Variants in DNMT3A observed in about 807,000 individuals in gnomAD.
DNMT3A encodes DNA methyltransferase 3 alpha.
A neutral mutation model predicts 117.6 loss-of-function variants in DNMT3A; 267 were observed. The ratio of observed to expected loss-of-function variants is 2.27; its 90% CI spans 2.05 to 2.51. The LOEUF is 2.51. Ranked by LOEUF, DNMT3A falls within the 30% of genes most tolerant of loss-of-function variation. The pLI is 0.00. For synonymous variants in DNMT3A, 432 were observed against 474.8 expected (o/e 0.91, Z 1.17); for missense variants, 1,029 against 1,260.2 (o/e 0.82, Z 2.78).
intron 1 of DNMT3A, among the ~76,000 whole-genome samples, chr2:25,320,763 T>C (rs116101378): frequency 6.6e-6 from 1 of 152,352 alleles, no homozygotes; most frequent in African/African-American, 2.4e-5. Flanking sequence ...TATGTGTGTG[T>C]ACATATATAT....
At chr2:25,242,848 G>A (rs970392775) in intron 16 of DNMT3A, among the ~76,000 whole-genome samples, 4 of 152,098 alleles carry the variant, frequency 2.6e-5, no homozygotes, top group Admixed American at 2.6e-4. Flanking sequence ...TCTCCTAAAG[G>A]TTTTCCTAAG....
At position 25,286,768 on chromosome 2, in the gene DNMT3A, C is replaced by T. The variant is rs1178657131; in HGVS notation, c.178-4057G>A. Among the ~76,000 whole-genome samples, 2 of 152,208 alleles carry T rather than the reference C, an allele frequency of 1.3e-5. No homozygotes were observed. Among genetic ancestry groups the T allele is most frequent in the African/African-American group, 4.8e-5 (2 of 41,450 alleles). On this transcript the variant is annotated intron_variant, in intron 3 of 22. Coordinates refer to ENST00000321117, the MANE Select transcript of DNMT3A (RefSeq NM_022552.5). This position sits in a 1 kb window ranked among gnomAD's most constrained non-coding sequence, Gnocchi z 4.3. Reference sequence around the variant, plus strand: ...CTGGGTGCTCACTGAAGGAGCCATCCCTGGTGAGAAGGGCAGAAACCTCAG... The same window carrying T: ...CTGGGTGCTCACTGAAGGAGCCATCTCTGGTGAGAAGGGCAGAAACCTCAG...
At chr2:25,264,665 T>C (rs1395689572) in intron 6 of DNMT3A, among the ~76,000 whole-genome samples, 2 of 151,978 alleles carry the variant, frequency 1.3e-5, no homozygotes, top group African/African-American at 4.8e-5. Context: ...GGTTTCACCA[T>C]GTTAGCCAGG....
chr2:25,300,713 AT>A (rs1558722686), intron 2 of DNMT3A, among the ~76,000 whole-genome samples: 3 of 4,496 alleles, frequency 6.7e-4, no homozygotes, highest in Non-Finnish European at 1.4e-3. Context: ...AAATAATATA[AT>A]ATATATATAT....
At chr2:25,262,364 G>C (rs1021468739) in intron 6 of DNMT3A, among the ~76,000 whole-genome samples, 2 of 151,890 alleles carry the variant, frequency 1.3e-5, no homozygotes, top group Non-Finnish European at 2.9e-5. Flanking sequence ...AACCAATAAA[G>C]GAAAAAAATG....
chr2:25,319,265 T>G (rs188204240), intron 1 of DNMT3A, among the ~76,000 whole-genome samples: 1 of 151,670 alleles, frequency 6.6e-6, no homozygotes, highest in Non-Finnish European at 1.5e-5. Flanking sequence ...CCGCCCGCCT[T>G]AGCCTCCCAA....
chr2:25,318,991 G>C lies in DNMT3A; in HGVS notation c.-177-4830C>G, dbSNP rs908252943. On this transcript the variant is annotated intron_variant, in intron 1 of 22. Coordinates refer to ENST00000321117, the MANE Select transcript of DNMT3A (RefSeq NM_022552.5). ...TAGGATTACAGGTGTGAGCCACCAC[G>C]CCTGGCCCTTTTCTTTTCTTTCTTT... 2.0e-5 allele frequency among the ~76,000 whole-genome samples: 3 copies of C among 147,424 alleles called. No individual in the cohort carries two copies. The Admixed American group carries it at 2.0e-4, about 10-fold the overall frequency.
rs1324347218 is a variant in DNMT3A, at chr2:25,239,216, C to T, written c.2323-1G>A. 6 of 1,613,588 alleles carry T rather than the reference C, an allele frequency of 3.7e-6. No individual in the cohort carries two copies. The highest frequency in any genetic ancestry group is 1.7e-5 in the Admixed American group (1 of 59,956). On this transcript the variant is annotated splice_acceptor_variant, in intron 19 of 22. Coordinates refer to ENST00000321117, the MANE Select transcript of DNMT3A (RefSeq NM_022552.5). LOFTEE classifies it high-confidence loss of function. ...TGGCATCAATCATCACAGGGTTGGA[C>T]TACAAAACAGGAGACGGTTTGAAGA...
chr2:25,289,415 T>C (rs1249211293), intron 3 of DNMT3A, among the ~76,000 whole-genome samples: 1 of 152,190 alleles, frequency 6.6e-6, no homozygotes, highest in Non-Finnish European at 1.5e-5. Context: ...TATTTAACTT[T>C]GTAGGCCTCT....
At position 25,252,742 on chromosome 2, in the gene DNMT3A, G is replaced by A. The variant is rs1341239323; in HGVS notation, c.640-4490C>T. On this transcript the variant is annotated intron_variant, in intron 6 of 22. Coordinates refer to ENST00000321117, the MANE Select transcript of DNMT3A (RefSeq NM_022552.5). The surrounding 1 kb of genome is among the most constrained non-coding windows in gnomAD (Gnocchi z 5.5). ...CCTGGGAGAGCCGGGAGAAAGTTGT[G>A]AAAAGTGAGTTTCTCTGAAGCACAA... Among the ~76,000 whole-genome samples the A allele has an allele frequency of 6.6e-6, 1 of 151,630 alleles. No homozygotes were observed. Among genetic ancestry groups the A allele is most frequent in the Non-Finnish European group, 1.5e-5 (1 of 67,876 alleles).
intron 1 of DNMT3A, among the ~76,000 whole-genome samples, chr2:25,319,069 C>A (rs1394072037): frequency 1.4e-5 from 2 of 145,746 alleles, no homozygotes; most frequent in Non-Finnish European, 3.0e-5. Context: ...GGCTGGAGTA[C>A]AGTGGTGGGA....
chr2:25,284,905 C>T lies in DNMT3A; in HGVS notation c.178-2194G>A, dbSNP rs1045921546. Among the ~76,000 whole-genome samples, 6 of 152,124 alleles carry T rather than the reference C, an allele frequency of 3.9e-5. No homozygotes were observed. In the South Asian group the frequency reaches 6.2e-4, roughly 16 times the overall value. ...TTTTCCAAAAGGGTATCATACTAGT[C>T]GTAATGTTCTGCAACTTGCTTTTTC... On this transcript the variant is annotated intron_variant, in intron 3 of 22. Transcript: ENST00000321117.
In DNMT3A at chr2:25,246,672, C is replaced by T. The variant is rs1235571275; in HGVS notation, c.1227G>A (p.Trp409Ter). ...VEVQNKPMIE[W>*]ALGGFQPSGP... is the part of the protein sequence containing the mutation. ...CAGAAGGCTGGAAGCCCCCCAGGGC[C>T]CATTCAATCATGGGCTTGTTCTGCA... The change falls in exon 10 of 23, where the codon TGG (tryptophan) becomes TGA (stop). Residue 409 changes from tryptophan (W) to a stop codon, truncating the protein, a stop_gained. Coordinates refer to ENST00000321117, the MANE Select transcript of DNMT3A (RefSeq NM_022552.5). LOFTEE classifies it high-confidence loss of function. 4 of 1,613,652 alleles carry T rather than the reference C, an allele frequency of 2.5e-6. No individual in the cohort carries two copies. The highest frequency in any genetic ancestry group is 3.4e-6 in the Non-Finnish European group (4 of 1,179,976).
intron 3 of DNMT3A, among the ~76,000 whole-genome samples, chr2:25,284,638 C>G (rs936809454): frequency 5.6e-5 from 3 of 53,560 alleles, no homozygotes; most frequent in African/African-American, 2.2e-4. Flanking sequence ...CAGAGTGAGA[C>G]TCCATCTAAA....
intron 2 of DNMT3A, among the ~76,000 whole-genome samples, chr2:25,313,499 C>T (rs1161868911): frequency 2.0e-5 from 3 of 152,148 alleles, no homozygotes; most frequent in African/African-American, 7.2e-5. Flanking sequence ...TGTCTTTGGT[C>T]CCCTAGAAGC....
Position 25,247,494 on chromosome 2 carries a change from C to T in DNMT3A, c.1014+97G>A, listed in dbSNP as rs1416885238. 1.3e-6 allele frequency: 2 copies of T among 1,531,056 alleles called. No individual in the cohort carries two copies. The highest frequency in any genetic ancestry group is 1.9e-5 in the Admixed American group (1 of 52,714). 94.8% of individuals were successfully genotyped at this position (1,531,056 alleles called of 1,614,324 possible). ...AGTAGGGGTGAGCAGAACCCACTTCCATCACCCCAATTCCAGACTGCCCCC... is the reference window on the plus strand; with the variant it reads ...AGTAGGGGTGAGCAGAACCCACTTCTATCACCCCAATTCCAGACTGCCCCC... On this transcript the variant is annotated intron_variant, in intron 8 of 22. Transcript: ENST00000321117. This position sits in a 1 kb window ranked among gnomAD's most constrained non-coding sequence, Gnocchi z 5.6.
At chr2:25,312,507 C>T (rs1035165005) in intron 2 of DNMT3A, among the ~76,000 whole-genome samples, 3 of 152,134 alleles carry the variant, frequency 2.0e-5, no homozygotes, top group African/African-American at 7.2e-5. Context: ...CATGTGCACT[C>T]CTGGGATGTG....
chr2:25,271,536 T>C (rs190070270), intron 6 of DNMT3A, among the ~76,000 whole-genome samples: 9 of 152,312 alleles, frequency 5.9e-5, no homozygotes, highest in Admixed American at 1.3e-4. Flanking sequence ...GGGCCCCACA[T>C]TGGAATAGGA....
At chr2:25,341,315 G>A (rs1317492736) in intron 1 of DNMT3A, among the ~76,000 whole-genome samples, 6 of 144,768 alleles carry the variant, frequency 4.1e-5, no homozygotes, top group African/African-American at 1.5e-4. Flanking sequence ...CCGCTCCCCC[G>A]GGCCGCCGCG....
Sources: gnomAD v4.1 joint callset for allele counts (sites outside exome capture counted in the v4.1 genomes callset) on GRCh38, gnomAD v4.1.1 for gene constraint, Gnocchi (gnomAD v3.1) non-coding constraint, MANE v1.5 for transcripts, NCBI Gene and HGNC (gene_info 2026-07-23, HGNC 2026-07-21) for gene names.